Variants in LTBP1 observed in about 807,000 individuals in gnomAD.
LTBP1 encodes latent-transforming growth factor beta-binding protein 1.
Under a neutral mutation model 207.6 loss-of-function variants are expected in LTBP1, and 129 were observed. The ratio of observed to expected loss-of-function variants is 0.62; its 90% CI spans 0.54 to 0.72. The LOEUF (loss-of-function observed/expected upper bound fraction) is 0.72. Ranked by LOEUF, LTBP1 falls within the 30% of genes least tolerant of loss-of-function variation. LTBP1 has a pLI of 0.00. For missense variants in LTBP1, 2,281 were observed against 2,217.2 expected, an observed-to-expected ratio of 1.03 and a Z score of -0.58; for synonymous variants, 963 against 833.7, an observed-to-expected ratio of 1.16 and a Z score of -2.67.
At chr2:33,128,342 G>A (rs894069118) in intron 4 of LTBP1, among the ~76,000 whole-genome samples, 3 of 152,210 alleles carry the variant, frequency 2.0e-5, no homozygotes, top group Admixed American at 6.5e-5. Context: ...TGGTTATAAA[G>A]AGCCTATGCA....
chr2:33,347,410 C>T lies in LTBP1; in HGVS notation c.3900C>T (p.Ala1300=). 6 of 1,614,192 alleles carry T rather than the reference C, an allele frequency of 3.7e-6. No homozygotes were observed. Among genetic ancestry groups the T allele is most frequent in the Non-Finnish European group, 5.1e-6 (6 of 1,180,030 alleles). ...TGCTCAGTGGGGTGTGTGGTGAAGC[C>T]TTCTGTGAAAACGTGGAAGGGTCCT... is the stretch of plus-strand genomic sequence containing the variant. ...CELLSGVCGE[A]FCENVEGSFL... Residue 1300 remains alanine (A), a synonymous_variant, in exon 26 of 34, where the codon GCC becomes GCT. Coordinates refer to ENST00000404816, the MANE Select transcript of LTBP1 (RefSeq NM_206943.4).
intron 2 of LTBP1, among the ~76,000 whole-genome samples, chr2:33,010,188 C>T (rs1356024675): frequency 2.0e-5 from 3 of 152,290 alleles, no homozygotes; most frequent in Non-Finnish European, 1.5e-5. Flanking sequence ...CAAGAACTCC[C>T]ACTGGATTTA....
At chr2:32,954,997 C>T (rs62135701) in intron 2 of LTBP1, among the ~76,000 whole-genome samples, 17,679 of 152,178 alleles carry the variant, frequency 0.12, 1,200 homozygotes, top group East Asian at 0.22. Context: ...GTTTCTTACA[C>T]ATGAATGTCC....
At chr2:33,324,494 A>G (rs911202457) in intron 24 of LTBP1, among the ~76,000 whole-genome samples, 3 of 151,986 alleles carry the variant, frequency 2.0e-5, no homozygotes, top group Non-Finnish European at 4.4e-5. Context: ...CACATCCTCC[A>G]CCAATGAAAA....
At chr2:33,329,321 T>A (rs1002139443) in intron 24 of LTBP1, among the ~76,000 whole-genome samples, 2 of 152,230 alleles carry the variant, frequency 1.3e-5, no homozygotes, top group African/African-American at 4.8e-5. Flanking sequence ...TATCTAATTC[T>A]GCATAAGAAA....
chr2:33,106,608 C>A (rs1454679976), intron 3 of LTBP1, among the ~76,000 whole-genome samples: 1 of 151,426 alleles, frequency 6.6e-6, no homozygotes, highest in African/African-American at 2.4e-5. Flanking sequence ...GAAAGGAAAT[C>A]TTTTTCTTTT....
chr2:33,071,487 CA>C (rs2077784982), intron 3 of LTBP1, among the ~76,000 whole-genome samples: 1 of 152,166 alleles, frequency 6.6e-6, no homozygotes, highest in Non-Finnish European at 1.5e-5. Flanking sequence ...CATTGGGTGC[CA>C]TCTTAGAGGC....
intron 2 of LTBP1, among the ~76,000 whole-genome samples, chr2:33,013,387 CTT>C (rs1687931119): frequency 6.6e-6 from 1 of 151,606 alleles, no homozygotes; most frequent in Non-Finnish European, 1.5e-5. Flanking sequence ...TATTTCTGTT[CTT>C]TTTTTCATTT....
At chr2:33,171,055 T>G in intron 5 of LTBP1, among the ~76,000 whole-genome samples, 1 of 141,058 alleles carries the variant, frequency 7.1e-6, no homozygotes, top group African/African-American at 2.6e-5. Flanking sequence ...ACCACAAAGA[T>G]GGGGAAAAAA....
chr2:33,190,485 C>T (rs903118765), intron 7 of LTBP1, among the ~76,000 whole-genome samples: 1 of 152,022 alleles, frequency 6.6e-6, no homozygotes, highest in African/African-American at 2.4e-5. Flanking sequence ...GATTGTAGAC[C>T]TGAATGGAAG....
rs181021813 is a variant in LTBP1, at chr2:33,276,749, G to T, written c.2992+826G>T. 1.6e-3 allele frequency among the ~76,000 whole-genome samples: 242 copies of T among 152,324 alleles called. 1 individual carries two copies. The highest frequency in any genetic ancestry group is 5.6e-3 in the African/African-American group (232 of 41,578). On this transcript the variant is annotated intron_variant, in intron 18 of 33. Coordinates refer to ENST00000404816, the MANE Select transcript of LTBP1 (RefSeq NM_206943.4). Reference sequence around the variant, plus strand: ...GCCTGTAATCCCAGCTACCTGGGAGGCTGAGAAACAAGAATCACTTGAACC... The same window carrying T: ...GCCTGTAATCCCAGCTACCTGGGAGTCTGAGAAACAAGAATCACTTGAACC...
intron 5 of LTBP1, among the ~76,000 whole-genome samples, chr2:33,163,303 T>C (rs2084622259): frequency 6.6e-6 from 1 of 152,208 alleles, no homozygotes; most frequent in Non-Finnish European, 1.5e-5. Flanking sequence ...AATTGTCACT[T>C]GACATTGGTA....
At chr2:33,328,260 C>G (rs770723329) in intron 24 of LTBP1, among the ~76,000 whole-genome samples, 6 of 152,122 alleles carry the variant, frequency 3.9e-5, no homozygotes, top group Non-Finnish European at 8.8e-5. Flanking sequence ...AACCAGCCCC[C>G]TGAACCTCCC....
chr2:33,322,515 A>G (rs1196919475), intron 24 of LTBP1, among the ~76,000 whole-genome samples: 1 of 152,236 alleles, frequency 6.6e-6, no homozygotes, highest in Non-Finnish European at 1.5e-5. Context: ...CTATGAGTGG[A>G]CTGGAGATAC....
chr2:33,242,782 C>T (rs770134181), intron 9 of LTBP1, among the ~76,000 whole-genome samples: 18 of 152,138 alleles, frequency 1.2e-4, no homozygotes, highest in Admixed American at 8.5e-4. Context: ...TTGCATGACC[C>T]CTTCAAGTGA....
intron 3 of LTBP1, among the ~76,000 whole-genome samples, chr2:33,042,430 G>A (rs1352692869): frequency 6.6e-6 from 1 of 152,170 alleles, no homozygotes; most frequent in African/African-American, 2.4e-5. Context: ...GAAACAGGAG[G>A]ACAGAGCAAA....
rs567769517 is a variant in LTBP1 at position 33,317,003 on chromosome 2, C to G, written c.3730+1734C>G. Reference sequence around the variant, plus strand: ...AAAAATAAGTGACCTCAAGTGCTCCCTAGTCAAAGCTGTTGTTCCAAAAGA... The same window carrying G: ...AAAAATAAGTGACCTCAAGTGCTCCGTAGTCAAAGCTGTTGTTCCAAAAGA... On this transcript the variant is annotated intron_variant, in intron 24 of 33. Coordinates refer to ENST00000404816, the MANE Select transcript of LTBP1 (RefSeq NM_206943.4). Among the ~76,000 whole-genome samples, 6 of 152,312 alleles carry G rather than the reference C, an allele frequency of 3.9e-5. No homozygotes were observed. The Middle Eastern group carries it at 0.014, about 345-fold the overall frequency.
At chr2:33,215,575 G>T (rs969383207) in intron 7 of LTBP1, among the ~76,000 whole-genome samples, 2 of 152,056 alleles carry the variant, frequency 1.3e-5, no homozygotes, top group South Asian at 2.1e-4. Flanking sequence ...GAAAAGAAAC[G>T]CTGCCCCTGG....
At chr2:33,238,893 C>G (rs879313666) in intron 9 of LTBP1, among the ~76,000 whole-genome samples, 3 of 152,174 alleles carry the variant, frequency 2.0e-5, no homozygotes, top group Non-Finnish European at 4.4e-5. Context: ...GCATCATTCC[C>G]ATGTACTGAA....
Sources: allele counts gnomAD v4.1 joint callset (sites outside exome capture counted in the v4.1 genomes callset), GRCh38; gene constraint gnomAD v4.1.1; transcripts MANE v1.5; gene names NCBI Gene and HGNC (gene_info 2026-07-23, HGNC 2026-07-21).